POU1F1: variants seen among roughly 807,000 people sequenced by gnomAD.
POU1F1 encodes POU class 1 homeobox 1, also known as pituitary-specific positive transcription factor 1.
In POU1F1, 23 loss-of-function variants were observed where a neutral mutation model predicts 32.3. The ratio of observed to expected loss-of-function variants is 0.71; its 90% CI spans 0.51 to 1.01. The LOEUF is 1.01. POU1F1 is among the 50% of genes least tolerant of loss of function. The probability of loss-of-function intolerance (pLI) is 0.00; values close to 1 mark genes in which losing one functional copy is unlikely to be tolerated. For synonymous variants in POU1F1, 120 were observed against 115.6 expected (o/e 1.04, Z -0.25); for missense variants, 323 against 341.6 (o/e 0.95, Z 0.43).
At chr3:87,264,613 T>C (rs1350460826) in intron 2 of POU1F1, 101 bp from the exon 3 acceptor site, 1 of 914,852 alleles carries the variant, frequency 1.1e-6, no homozygotes, top group Non-Finnish European at 1.8e-6. Flanking sequence ...TATTCTGCTC[T>C]AGCCTGTCTC....
intron 2 of POU1F1, among the ~76,000 whole-genome samples, chr3:87,272,774 C>A (rs1039041318): frequency 2.0e-5 from 3 of 152,152 alleles, no homozygotes; most frequent in Non-Finnish European, 2.9e-5. Flanking sequence ...ATCACTAAAG[C>A]CCCTACCAAT....
intron 2 of POU1F1, among the ~76,000 whole-genome samples, chr3:87,272,394 G>A (rs1309027997): frequency 2.0e-5 from 3 of 152,184 alleles, no homozygotes; most frequent in Admixed American, 6.5e-5. Flanking sequence ...ATGCTGGTGC[G>A]CTGCACCCAT....
chr3:87,261,315 AC>A lies in POU1F1; in HGVS notation c.622del (p.Val208TrpfsTer14). 3 of 1,593,222 alleles carry A rather than the reference AC, an allele frequency of 1.9e-6. No homozygotes were observed. Among genetic ancestry groups the A allele is most frequent in the Non-Finnish European group, 2.6e-6 (3 of 1,165,250 alleles). ...EQVGALYNEK[V>X]GANERKRKRR... Reference sequence around the variant, plus strand: ...TTTTCTTTTCCTTTCATTTGCTCCCACTTTTTCATTGTACAAAGCTATAATG... The same window carrying A: ...TTTTCTTTTCCTTTCATTTGCTCCCATTTTTCATTGTACAAAGCTATAATG... On this transcript the variant is annotated frameshift_variant, in exon 5 of 6. Transcript: ENST00000350375. LOFTEE classifies it high-confidence loss of function.
At chr3:87,275,944 A>G (rs1405968505) in intron 1 of POU1F1, among the ~76,000 whole-genome samples, 1 of 152,132 alleles carries the variant, frequency 6.6e-6, no homozygotes, top group African/African-American at 2.4e-5. Context: ...AACCTTTAAG[A>G]TAAAGAAGTA....
At chr3:87,273,501 T>TACCA (rs1706765731) in intron 1 of POU1F1, 83 bp from the exon 2 acceptor site, 1 of 1,588,130 alleles carries the variant, frequency 6.3e-7, no homozygotes, top group Non-Finnish European at 8.6e-7. Flanking sequence ...ATGGGACTGG[T>TACCA]AAGAAAATGT....
intron 5 of POU1F1, 52 bp from the exon 6 acceptor site, chr3:87,260,156 T>C (rs1706483207): frequency 6.9e-7 from 1 of 1,458,284 alleles, no homozygotes; most frequent in Admixed American, 1.9e-5. Flanking sequence ...TAGTGAAGTT[T>C]TTGGCAGCTC....
chr3:87,261,101 G>A (rs1009220038), intron 5 of POU1F1, among the ~76,000 whole-genome samples, 172 bp downstream of exon 5: 2 of 151,856 alleles, frequency 1.3e-5, no homozygotes, highest in African/African-American at 4.8e-5. Context: ...AGTAGAAACA[G>A]AGTTTCACCA....
intron 4 of POU1F1, 142 bp downstream of exon 4, chr3:87,261,929 A>G: frequency 1.0e-6 from 1 of 985,776 alleles, no homozygotes; most frequent in Non-Finnish European, 1.5e-6. Context: ...AGTGTGATAT[A>G]ACAAAATGTT....
intron 4 of POU1F1, 133 bp downstream of exon 4, chr3:87,261,938 T>C (rs36105965): frequency 4.8e-5 from 51 of 1,071,714 alleles, no homozygotes; most frequent in African/African-American, 4.8e-4. Flanking sequence ...TAACAAAATG[T>C]TTATTTTTCA....
intron 2 of POU1F1, among the ~76,000 whole-genome samples, chr3:87,271,284 C>T (rs1706716857): frequency 6.6e-6 from 1 of 152,160 alleles, no homozygotes; most frequent in Non-Finnish European, 1.5e-5. Flanking sequence ...ATATTGGCTC[C>T]AGTCCTGGAA....
chr3:87,275,968 ATTG>A (rs1202070313), intron 1 of POU1F1, among the ~76,000 whole-genome samples: 9 of 152,096 alleles, frequency 5.9e-5, no homozygotes, highest in East Asian at 1.9e-4. Flanking sequence ...CCTTTTAAAT[ATTG>A]TTATTTTATA....
At chr3:87,262,268 A>G (rs535375442) in intron 3 of POU1F1, 33 bp from the exon 4 acceptor site, 24 of 1,612,560 alleles carry the variant, frequency 1.5e-5, no homozygotes, top group Non-Finnish European at 2.0e-5. Flanking sequence ...ATCAGCTCCA[A>G]CTTTCCAGGA....
rs1329640297 is a variant in POU1F1, at chr3:87,264,445, G to C, written c.282C>G (p.His94Gln). The C allele has an allele frequency of 6.2e-7, 1 of 1,613,628 alleles. No homozygotes were observed. The highest frequency in any genetic ancestry group is 2.2e-5 in the East Asian group (1 of 44,862). ...HTLSHGFPPI[H>Q]QPLLAEDPTA... is the part of the protein sequence containing the mutation. ...TGGGGTCCTCTGCCAGAAGAGGCTG[G>C]TGTATAGGAGGAAATCCATGACTCA... is the stretch of plus-strand genomic sequence containing the variant. Residue 94 changes from histidine to glutamine, a missense_variant, in exon 3 of 6, where the codon CAC becomes CAG. Physicochemically the swap from His to Gln is conservative, Grantham distance 24. Transcript: ENST00000350375.
chr3:87,276,217 G>T, intron 1 of POU1F1, 104 bp downstream of exon 1: 10 of 1,395,134 alleles, frequency 7.2e-6, no homozygotes, highest in Non-Finnish European at 1.0e-5. Flanking sequence ...AAATTGGAGG[G>T]GTAAAATGAA....
intron 3 of POU1F1, among the ~76,000 whole-genome samples, chr3:87,263,249 T>C (rs1178632173): frequency 6.6e-6 from 1 of 152,120 alleles, no homozygotes; most frequent in African/African-American, 2.4e-5. Flanking sequence ...TTGTCAAGCA[T>C]ATTAAATAAT....
In POU1F1 at chr3:87,262,703, A is replaced by G. The variant is rs72563138; in HGVS notation, c.440-468T>C. Among the ~76,000 whole-genome samples, 217 of 152,254 alleles carry G rather than the reference A, an allele frequency of 1.4e-3. 1 individual carries two copies. In the Middle Eastern group the frequency reaches 0.02, roughly 14 times the overall value. On this transcript the variant is annotated intron_variant, in intron 3 of 5. Transcript: ENST00000350375. The stretch of plus-strand genomic sequence containing the variant: ...TCAATGATATTGTTGAAGGGTACTA[A>G]ATAAAACTAAGAATTATGTCACTTT...
intron 2 of POU1F1, 105 bp from the exon 3 acceptor site, chr3:87,264,617 C>T: frequency 1.2e-6 from 1 of 866,042 alleles, no homozygotes; most frequent in Non-Finnish European, 1.9e-6. Flanking sequence ...CTGCTCTAGC[C>T]TGTCTCAGTA....
intron 2 of POU1F1, among the ~76,000 whole-genome samples, chr3:87,272,136 A>T (rs1272125820): frequency 6.6e-6 from 1 of 151,674 alleles, no homozygotes; most frequent in Non-Finnish European, 1.5e-5. Context: ...ATTAGAAAAG[A>T]TTTCCCTAAT....
Position 87,260,106 on chromosome 3 carries a change from TG to T in POU1F1, c.666-3del. ...TCCAGAGCATCTTTAGCAGCAATGC[TG>T]GCGGGGGGTGGACATAGGGGGTGAA... On this transcript the variant is annotated splice_region_variant and splice_polypyrimidine_tract_variant and intron_variant, in intron 5 of 5. Transcript: ENST00000350375. The T allele has an allele frequency of 6.2e-7, 1 of 1,612,506 alleles. No individual in the cohort carries two copies. The highest frequency in any genetic ancestry group is 1.1e-5 in the South Asian group (1 of 90,976).
Sources: allele counts gnomAD v4.1 joint callset (sites outside exome capture counted in the v4.1 genomes callset), GRCh38; gene constraint gnomAD v4.1.1; transcripts MANE v1.5; gene names NCBI Gene and HGNC (gene_info 2026-07-23, HGNC 2026-07-21).